The following PIK3C2B variants were observed in gnomAD, a reference collection of about 807,000 sequenced individuals.
PIK3C2B encodes phosphatidylinositol 4-phosphate 3-kinase C2 domain-containing subunit beta.
PIK3C2B carries 83 observed loss-of-function variants against 184.3 expected under a neutral mutation model. The observed-to-expected ratio is 0.45, with a 90% CI of 0.38 to 0.54. The LOEUF is 0.54. Among genes scored for constraint, PIK3C2B ranks in the 20% least tolerant of loss-of-function variants. The probability of loss-of-function intolerance (pLI) is 0.00; values close to 1 mark genes in which losing one functional copy is unlikely to be tolerated. For synonymous variants in PIK3C2B, 779 were observed against 837.6 expected, an observed-to-expected ratio of 0.93 and a Z score of 1.21; for missense variants, 1,736 against 2,113.5, an observed-to-expected ratio of 0.82 and a Z score of 3.50.
intron 1 of PIK3C2B, among the ~76,000 whole-genome samples, chr1:204,487,681 GT>G (rs1280015009): frequency 6.6e-6 from 1 of 152,174 alleles, no homozygotes; most frequent in African/African-American, 2.4e-5. Flanking sequence ...CACAGTTCTA[GT>G]TTCTATAATC....
intron 29 of PIK3C2B, among the ~76,000 whole-genome samples, chr1:204,429,266 AT>A (rs1674910422): frequency 6.8e-6 from 1 of 147,374 alleles, no homozygotes; most frequent in Non-Finnish European, 1.5e-5. Context: ...TCACTTGAAC[AT>A]TAATGGGGAA....
At chr1:204,455,728 C>T in intron 11 of PIK3C2B, 128 bp downstream of exon 11, 2 of 768,236 alleles carry the variant, frequency 2.6e-6, no homozygotes, top group Non-Finnish European at 4.1e-6. Context: ...AGCCCCATTG[C>T]ACCACAATGT....
Position 204,425,645 on chromosome 1 carries a change from G to A in PIK3C2B, c.4684C>T (p.Arg1562Trp), listed in dbSNP as rs371494234. ...TTGTAGGTAGGATTGCAGGTTTTCC[G>A]GGCCACTTTGGTTTTCCTCTTAGTG... is the stretch of plus-strand genomic sequence containing the variant. ...KTTKRKTKVARKTCNPTYNEM... is the reference protein window; with the variant it reads ...KTTKRKTKVAWKTCNPTYNEM... The change falls in exon 32 of 33, where the codon CGG becomes TGG. Residue 1562 changes from arginine to tryptophan, a missense_variant. Arg to Trp is a moderately radical substitution (Grantham distance 101). Coordinates refer to ENST00000684373, the MANE Select transcript of PIK3C2B (RefSeq NM_001377334.1). 102 of 1,613,890 alleles carry A rather than the reference G, an allele frequency of 6.3e-5. No homozygotes were observed. The highest frequency in any genetic ancestry group is 8.0e-5 in the Non-Finnish European group (94 of 1,180,000).
intron 29 of PIK3C2B, 30 bp downstream of exon 29, chr1:204,429,891 A>G (rs751366466): frequency 7.1e-7 from 1 of 1,406,942 alleles, no homozygotes; most frequent in East Asian, 2.3e-5. Flanking sequence ...ACCAGCCTGG[A>G]CAGCCAGGAG....
chr1:204,454,521 CAA>C, intron 12 of PIK3C2B, 146 bp downstream of exon 12: 1 of 645,500 alleles, frequency 1.5e-6, no homozygotes. Context: ...AGTGGAGACT[CAA>C]GAGGTTGAAT....
chr1:204,455,770 C>G, intron 11 of PIK3C2B, 86 bp downstream of exon 11: 1 of 1,022,678 alleles, frequency 9.8e-7, no homozygotes, highest in Non-Finnish European at 1.4e-6. Context: ...AGACTTAGGA[C>G]AGTGGTATTA....
intron 1 of PIK3C2B, among the ~76,000 whole-genome samples, chr1:204,481,172 C>T (rs533082540): frequency 6.6e-6 from 1 of 151,910 alleles, no homozygotes; most frequent in African/African-American, 2.4e-5. Context: ...ACACACCCTA[C>T]TCTCCCCCGA....
In PIK3C2B at chr1:204,445,991, C is replaced by A; in HGVS notation, c.2643G>T (p.Met881Ile). The change falls in exon 16 of 33, where the codon ATG becomes ATT. Residue 881 changes from methionine (M) to isoleucine (I), a missense_variant. By Grantham distance (10) the Met-to-Ile change is conservative. Around this residue, in one of 8 missense-constraint regions of PIK3C2B, gnomAD observed 609 missense variants for 699.2 expected, o/e 0.87. Coordinates refer to ENST00000684373, the MANE Select transcript of PIK3C2B (RefSeq NM_001377334.1). ...IYVLLKQWTH[M>I]NHQDALGLLH... ...GGAGCCCCAGGGCATCCTGGTGGTTCATGTGGGTCCACTGCTTCAGGAGAA... is the reference window on the plus strand; with the variant it reads ...GGAGCCCCAGGGCATCCTGGTGGTTAATGTGGGTCCACTGCTTCAGGAGAA... 6.4e-7 allele frequency: 1 copy of A among 1,571,922 alleles called. No homozygotes were observed. Among genetic ancestry groups the A allele is most frequent in the Non-Finnish European group, 8.7e-7 (1 of 1,153,884 alleles).
In PIK3C2B at chr1:204,469,630, A is replaced by C; in HGVS notation, c.173T>G (p.Ile58Ser). The C allele has an allele frequency of 6.2e-7, 1 of 1,611,992 alleles. No homozygotes were observed. The highest frequency in any genetic ancestry group is 8.5e-7 in the Non-Finnish European group (1 of 1,178,828). The change falls in exon 2 of 33, where the codon ATC becomes AGC. Residue 58 changes from isoleucine (I) to serine (S), a missense_variant. By Grantham distance (142) the Ile-to-Ser change is moderately radical. This residue lies in a region of PIK3C2B where 404 missense variants were observed against 418.0 expected (regional missense o/e 0.97). Coordinates refer to ENST00000684373, the MANE Select transcript of PIK3C2B (RefSeq NM_001377334.1). ...RAKQNADPSL[I>S]SWDEPGVDFY... Reference sequence around the variant, plus strand: ...GTCTACCCCAGGCTCATCCCAGCTGATGAGAGAGGGGTCTGCGTTCTGCTT... The same window carrying C: ...GTCTACCCCAGGCTCATCCCAGCTGCTGAGAGAGGGGTCTGCGTTCTGCTT...
Position 204,445,943 on chromosome 1 carries a change from T to C in PIK3C2B, c.2678+13A>G. The C allele has an allele frequency of 1.3e-6, 2 of 1,489,406 alleles. No individual in the cohort carries two copies. The highest frequency in any genetic ancestry group is 1.8e-4 in the Middle Eastern group (1 of 5,508). The allele number at this position is 1,489,406 out of a possible 1,614,324, so 92.3% of individuals were successfully genotyped here. A position where few individuals can be genotyped will look rare whatever the true frequency, so the allele number is the denominator to read the frequency against. Reference sequence around the variant, plus strand: ...AGAACACATAGTCAGAAAAGGCAGATGTTACAACTCACGTGGCATGCAGGA... The same window carrying C: ...AGAACACATAGTCAGAAAAGGCAGACGTTACAACTCACGTGGCATGCAGGA... On this transcript the variant is annotated intron_variant, in intron 16 of 32. Transcript: ENST00000684373.
At chr1:204,454,302 G>A (rs1054741552) in intron 12 of PIK3C2B, among the ~76,000 whole-genome samples, 5 of 151,280 alleles carry the variant, frequency 3.3e-5, no homozygotes, top group Non-Finnish European at 4.4e-5. Flanking sequence ...CTAACACATG[G>A]AAACCCCATC....
At chr1:204,476,568 T>A (rs1488490035) in intron 1 of PIK3C2B, among the ~76,000 whole-genome samples, 4 of 152,290 alleles carry the variant, frequency 2.6e-5, no homozygotes, top group Admixed American at 6.5e-5. Context: ...AATTAAAATT[T>A]AAATTAAGAT....
At chr1:204,465,183 G>C in intron 3 of PIK3C2B, 36 bp downstream of exon 3, 4 of 718,002 alleles carry the variant, frequency 5.6e-6, no homozygotes, top group Non-Finnish European at 5.0e-6. Context: ...ATCCCCCATA[G>C]CCCTCCCAAA....
intron 28 of PIK3C2B, among the ~76,000 whole-genome samples, chr1:204,430,841 A>G (rs1160727883): frequency 6.9e-6 from 1 of 144,872 alleles, no homozygotes; most frequent in Non-Finnish European, 1.5e-5. Flanking sequence ...TTTAGTAGAG[A>G]TGGGGTTTCA....
chr1:204,464,350 T>G, intron 4 of PIK3C2B, 100 bp downstream of exon 4: 1 of 1,285,220 alleles, frequency 7.8e-7, no homozygotes, highest in South Asian at 1.4e-5. Context: ...TCACTGCCCT[T>G]CATCTGGGCC....
intron 2 of PIK3C2B, among the ~76,000 whole-genome samples, chr1:204,466,090 C>T (rs1340905756): frequency 6.6e-6 from 1 of 152,192 alleles, no homozygotes; most frequent in African/African-American, 2.4e-5. Flanking sequence ...CTTTCAGTCA[C>T]CCAGGAGGGT....
Position 204,424,696 on chromosome 1 carries a change from C to T in PIK3C2B, c.*156G>A, listed in dbSNP as rs1463388071. ...AAGAGACAGCAGAGCATGTCTTACT[C>T]TCCCTGCCTCCTACCACAGAGGCCA... On this transcript the variant is annotated 3_prime_UTR_variant, in exon 33 of 33. Coordinates refer to ENST00000684373, the MANE Select transcript of PIK3C2B (RefSeq NM_001377334.1). 2 of 795,836 alleles carry T rather than the reference C, an allele frequency of 2.5e-6. No individual in the cohort carries two copies. Among genetic ancestry groups the T allele is most frequent in the East Asian group, 4.9e-5 (2 of 41,218 alleles). 49.3% of individuals were successfully genotyped at this position (795,836 alleles called of 1,614,324 possible). A position where few individuals can be genotyped will look rare whatever the true frequency, so the allele number is the denominator to read the frequency against.
At chr1:204,488,359 G>C (rs1270846286) in intron 1 of PIK3C2B, among the ~76,000 whole-genome samples, 1 of 152,190 alleles carries the variant, frequency 6.6e-6, no homozygotes, top group East Asian at 1.9e-4. Context: ...ATTATCATGA[G>C]AGTCCTTCTC....
chr1:204,431,689 G>C lies in PIK3C2B; in HGVS notation c.4260C>G (p.Phe1420Leu), dbSNP rs1265836978. 2 of 1,614,024 alleles carry C rather than the reference G, an allele frequency of 1.2e-6. No individual in the cohort carries two copies. Among genetic ancestry groups the C allele is most frequent in the Non-Finnish European group, 1.7e-6 (2 of 1,180,048 alleles). The change falls in exon 28 of 33, where the codon TTC becomes TTG. Residue 1420 changes from phenylalanine to leucine, a missense_variant. By Grantham distance (22) the Phe-to-Leu change is conservative (BLOSUM62 0). Coordinates refer to ENST00000684373, the MANE Select transcript of PIK3C2B (RefSeq NM_001377334.1). ...QELHNKLRLLFPSSHLPSFPS... is the reference protein window; with the variant it reads ...QELHNKLRLLLPSSHLPSFPS... ...GCTACCTGGGCAAGTGGGAAGAAGGGAAGAGCAGCCGCAACTTATTGTGTA... is the reference window on the plus strand; with the variant it reads ...GCTACCTGGGCAAGTGGGAAGAAGGCAAGAGCAGCCGCAACTTATTGTGTA...
Sources: gnomAD v4.1 joint callset for allele counts (sites outside exome capture counted in the v4.1 genomes callset) on GRCh38, gnomAD v4.1.1 for gene constraint, gnomAD v4.1.1 regional missense constraint, MANE v1.5 for transcripts, NCBI Gene and HGNC (gene_info 2026-07-23, HGNC 2026-07-21) for gene names.